The following SULT1C4 variants were observed in gnomAD, a reference collection of about 807,000 sequenced individuals.
SULT1C4 encodes sulfotransferase family 1C member 4, also known as sulfotransferase 1C4.
In SULT1C4, 32 loss-of-function variants were observed where a neutral mutation model predicts 34.8. The observed-to-expected ratio is 0.92, with a 90% CI of 0.69 to 1.23. The LOEUF is 1.23. SULT1C4 is among the 50% of genes most tolerant of loss of function. The probability of loss-of-function intolerance (pLI) is 0.00; values close to 1 mark genes in which losing one functional copy is unlikely to be tolerated. For synonymous variants in SULT1C4, 111 were observed against 120.5 expected, an observed-to-expected ratio of 0.92 and a Z score of 0.51; for missense variants, 375 against 365.9, an observed-to-expected ratio of 1.02 and a Z score of -0.20.
chr2:108,378,204 C>G lies in SULT1C4; in HGVS notation c.-134C>G. On this transcript the variant is annotated 5_prime_UTR_variant, in exon 1 of 7. Transcript: ENST00000272452. ...ACTCACTTTCTCCCTGTTTGCTGGC[C>G]CAGACAGGCCTGTGCTAGAGGGCTG... 1.3e-6 allele frequency: 1 copy of G among 780,558 alleles called. No individual in the cohort carries two copies. Among genetic ancestry groups the G allele is most frequent in the South Asian group, 2.4e-5 (1 of 42,530 alleles). The allele number at this position is 780,558 out of a possible 1,614,324, so 48.4% of individuals were successfully genotyped here.
Position 108,383,077 on chromosome 2 carries a change from C to A in SULT1C4, c.394-16C>A. 6.4e-7 allele frequency: 1 copy of A among 1,553,990 alleles called. No homozygotes were observed. Among genetic ancestry groups the A allele is most frequent in the Non-Finnish European group, 8.7e-7 (1 of 1,154,978 alleles). ...TTTTTTTGCTTCTTCCCTTCCCCTC[C>A]CCTCATCATTCCCAGATAATCTATG... On this transcript the variant is annotated splice_polypyrimidine_tract_variant and intron_variant, in intron 3 of 6. Coordinates refer to ENST00000272452, the MANE Select transcript of SULT1C4 (RefSeq NM_006588.4).
At chr2:108,379,269 C>G (rs1042758356) in intron 1 of SULT1C4, among the ~76,000 whole-genome samples, 4 of 152,158 alleles carry the variant, frequency 2.6e-5, no homozygotes, top group Admixed American at 2.6e-4. Context: ...AAATCTAAAC[C>G]TCAGTATTTT....
At position 108,388,482 on chromosome 2, in the gene SULT1C4, T is replaced by TG. The variant is rs1014111353; in HGVS notation, c.*1050_*1051insG. On this transcript the variant is annotated 3_prime_UTR_variant, in exon 7 of 7. Transcript: ENST00000272452. ...AGCCACCCTTCTGGTTCACAAACCT[T>TG]TTACTTCTTGCCTCAACTAGTGTAA... Among the ~76,000 whole-genome samples the TG allele has an allele frequency of 6.6e-6, 1 of 152,246 alleles. No individual in the cohort carries two copies. Among genetic ancestry groups the TG allele is most frequent in the Non-Finnish European group, 1.5e-5 (1 of 68,036 alleles).
At chr2:108,381,627 G>A (rs975865107) in intron 1 of SULT1C4, 135 bp from the exon 2 acceptor site, 123 of 1,026,616 alleles carry the variant, frequency 1.2e-4, no homozygotes, top group Non-Finnish European at 1.4e-4. Flanking sequence ...TTGATACAGA[G>A]CAAGACCCTG....
chr2:108,382,975 T>C (rs13008992), intron 3 of SULT1C4, 118 bp from the exon 4 acceptor site: 1 of 871,808 alleles, frequency 1.1e-6, no homozygotes, highest in Non-Finnish European at 1.5e-6. Flanking sequence ...TCAGAAAAAA[T>C]GAACTGTATG....
In SULT1C4 at chr2:108,378,457, C is replaced by A; in HGVS notation, c.120C>A (p.Asn40Lys). ...GTGACATCTGGGATAAGATCTGGAA[C>A]TTCCAAGCCAAGCCTGATGACCTGC... The part of the protein sequence containing the change: ...DTCDIWDKIW[N>K]FQAKPDDLLI... The change falls in exon 1 of 7, where the codon AAC becomes AAA. Residue 40 changes from asparagine (N) to lysine (K), a missense_variant. Physicochemically the swap from Asn to Lys is moderately conservative, Grantham distance 94 (BLOSUM62 0). Coordinates refer to ENST00000272452, the MANE Select transcript of SULT1C4 (RefSeq NM_006588.4). 2 of 1,614,168 alleles carry A rather than the reference C, an allele frequency of 1.2e-6. No homozygotes were observed. Among genetic ancestry groups the A allele is most frequent in the Non-Finnish European group, 1.7e-6 (2 of 1,180,020 alleles).
chr2:108,384,563 A>G (rs1183746477), intron 5 of SULT1C4, among the ~76,000 whole-genome samples: 1 of 152,212 alleles, frequency 6.6e-6, no homozygotes, highest in Non-Finnish European at 1.5e-5. Flanking sequence ...GGTGCAATGG[A>G]AAATACTAAT....
intron 1 of SULT1C4, among the ~76,000 whole-genome samples, chr2:108,379,752 T>C (rs1678337328): frequency 6.6e-6 from 1 of 152,036 alleles, no homozygotes; most frequent in African/African-American, 2.4e-5. Flanking sequence ...GCAAAAATAG[T>C]TCACCCTAAA....
intron 1 of SULT1C4, among the ~76,000 whole-genome samples, chr2:108,380,687 G>T (rs1678363842): frequency 6.6e-6 from 1 of 152,186 alleles, no homozygotes; most frequent in Non-Finnish European, 1.5e-5. Flanking sequence ...GACTGAAGCT[G>T]GGGGATACCA....
In SULT1C4 at chr2:108,388,431, A is replaced by C. The variant is rs1376178325; in HGVS notation, c.*999A>C. On this transcript the variant is annotated 3_prime_UTR_variant, in exon 7 of 7. Transcript: ENST00000272452. ...TCTCTTAAAATATTTCCGTCTAACC[A>C]TTCCTTGTTTTCCTTCTATTTCTAT... 6.6e-6 allele frequency among the ~76,000 whole-genome samples: 1 copy of C among 152,138 alleles called. No individual in the cohort carries two copies. The highest frequency in any genetic ancestry group is 2.4e-5 in the African/African-American group (1 of 41,440).
Position 108,388,273 on chromosome 2 carries a change from A to G in SULT1C4, c.*841A>G, listed in dbSNP as rs1264790481. On this transcript the variant is annotated 3_prime_UTR_variant, in exon 7 of 7. Coordinates refer to ENST00000272452, the MANE Select transcript of SULT1C4 (RefSeq NM_006588.4). ...CTGTCCCCATCTCTCACTGGCGTAT[A>G]TATTTAACTGGACTCACTCTCCCAC... is the stretch of plus-strand genomic sequence containing the variant. 1.3e-5 allele frequency among the ~76,000 whole-genome samples: 2 copies of G among 152,166 alleles called. No homozygotes were observed. The highest frequency in any genetic ancestry group is 2.9e-5 in the Non-Finnish European group (2 of 68,024).
chr2:108,379,681 T>A (rs564149043), intron 1 of SULT1C4, among the ~76,000 whole-genome samples: 1 of 152,204 alleles, frequency 6.6e-6, no homozygotes, highest in South Asian at 2.1e-4. Context: ...TAATCATAAC[T>A]AAAACCATAT....
At chr2:108,382,529 T>TA (rs1473926427) in intron 3 of SULT1C4, 47 bp downstream of exon 3, 3 of 1,416,088 alleles carry the variant, frequency 2.1e-6, no homozygotes, top group Non-Finnish European at 3.0e-6. Flanking sequence ...AAAACAACCT[T>TA]AGTCTTCCAT....
chr2:108,382,902 CAAAAAAAAAAA>C (rs60764322), intron 3 of SULT1C4, 180 bp from the exon 4 acceptor site: 192 of 81,152 alleles, frequency 2.4e-3, no homozygotes, highest in Middle Eastern at 5.4e-3. Context: ...GACTCCATCT[CAAAAAAAAAAA>C]AAAAAAAAAA....
In SULT1C4 at chr2:108,388,275, A is replaced by G. The variant is rs1469664907; in HGVS notation, c.*843A>G. ...GTCCCCATCTCTCACTGGCGTATAT[A>G]TTTAACTGGACTCACTCTCCCACCC... On this transcript the variant is annotated 3_prime_UTR_variant, in exon 7 of 7. Coordinates refer to ENST00000272452, the MANE Select transcript of SULT1C4 (RefSeq NM_006588.4). Among the ~76,000 whole-genome samples the G allele has an allele frequency of 6.6e-6, 1 of 152,134 alleles. No homozygotes were observed. The highest frequency in any genetic ancestry group is 2.4e-5 in the African/African-American group (1 of 41,444).
At position 108,378,524 on chromosome 2, in the gene SULT1C4, C is replaced by T. The variant is rs755472086; in HGVS notation, c.169+18C>T. On this transcript the variant is annotated intron_variant, in intron 1 of 6. Coordinates refer to ENST00000272452, the MANE Select transcript of SULT1C4 (RefSeq NM_006588.4). ...TAAAGCAGGTAGGTGGAAGGGCTTGCAGGGGAAGGGGAAGAGGAGAGTTAG... is the reference window on the plus strand; with the variant it reads ...TAAAGCAGGTAGGTGGAAGGGCTTGTAGGGGAAGGGGAAGAGGAGAGTTAG... The T allele has an allele frequency of 3.7e-6, 6 of 1,610,848 alleles. No individual in the cohort carries two copies. The African/African-American group carries it at 6.7e-5, about 18-fold the overall frequency.
chr2:108,384,224 A>AT (rs59026057), intron 5 of SULT1C4, among the ~76,000 whole-genome samples: 9,494 of 148,924 alleles, frequency 0.064, 776 homozygotes, highest in African/African-American at 0.19. Flanking sequence ...TTATTTATTT[A>AT]TTTATTTATT....
chr2:108,383,239 T>C lies in SULT1C4; in HGVS notation c.520+20T>C, dbSNP rs1322197107. On this transcript the variant is annotated intron_variant, in intron 4 of 6. Transcript: ENST00000272452. ...GGAAAGGTGAGAGAATTTAGCTTTGTTTCCCTTCGTTTCTCAAAATCTCCA... is the reference window on the plus strand; with the variant it reads ...GGAAAGGTGAGAGAATTTAGCTTTGCTTCCCTTCGTTTCTCAAAATCTCCA... The C allele has an allele frequency of 1.2e-6, 2 of 1,606,044 alleles. No homozygotes were observed. Among genetic ancestry groups the C allele is most frequent in the Non-Finnish European group, 1.7e-6 (2 of 1,178,076 alleles).
chr2:108,378,596 C>T, intron 1 of SULT1C4, 90 bp downstream of exon 1: 1 of 1,410,164 alleles, frequency 7.1e-7, no homozygotes, highest in Admixed American at 2.2e-5. Context: ...AGAAGTTGAT[C>T]TGGAAAACTC....
Sources: allele counts gnomAD v4.1 joint callset (sites outside exome capture counted in the v4.1 genomes callset), GRCh38; gene constraint gnomAD v4.1.1; transcripts MANE v1.5; gene names NCBI Gene and HGNC (gene_info 2026-07-23, HGNC 2026-07-21).